Variants in ELAVL2 observed in about 807,000 individuals in gnomAD.
ELAVL2 encodes ELAV like RNA binding protein 2.
ELAVL2 carries 4 observed loss-of-function variants against 34.6 expected under a neutral mutation model. The ratio of observed to expected loss-of-function variants is 0.12; its 90% CI spans 0.06 to 0.26. The LOEUF is 0.26. Ranked by LOEUF, ELAVL2 falls within the 10% of genes least tolerant of loss-of-function variation. The pLI, the probability that ELAVL2 is intolerant of heterozygous loss-of-function variation, is 1.00. For missense variants in ELAVL2, 432 were observed against 442.8 expected, an observed-to-expected ratio of 0.98 and a Z score of 0.22; for synonymous variants, 193 against 154.8, an observed-to-expected ratio of 1.25 and a Z score of -1.83.
intron 3 of ELAVL2, among the ~76,000 whole-genome samples, chr9:23,713,349 G>C (rs896871776): frequency 6.6e-6 from 1 of 152,182 alleles, no homozygotes; most frequent in Non-Finnish European, 1.5e-5. Context: ...TGGCATCTGA[G>C]GTGGAGGCAG....
chr9:23,749,615 C>T (rs1315493484), intron 2 of ELAVL2, among the ~76,000 whole-genome samples: 1 of 152,076 alleles, frequency 6.6e-6, no homozygotes, highest in East Asian at 1.9e-4. Flanking sequence ...TCCTGGGTTT[C>T]AGTCTTTGTT....
At chr9:23,698,118 C>G (rs2035898252) in intron 5 of ELAVL2, among the ~76,000 whole-genome samples, 1 of 152,080 alleles carries the variant, frequency 6.6e-6, no homozygotes, top group South Asian at 2.1e-4. Flanking sequence ...TGCATAAAGG[C>G]TCATAGAAGC....
At chr9:23,817,439 T>C (rs998943695) in intron 1 of ELAVL2, among the ~76,000 whole-genome samples, 2 of 152,114 alleles carry the variant, frequency 1.3e-5, no homozygotes, top group Non-Finnish European at 1.5e-5. Flanking sequence ...TTCAAAAAGG[T>C]ACCATGTCAT....
At chr9:23,780,747 C>A (rs1353709840) in intron 1 of ELAVL2, among the ~76,000 whole-genome samples, 1 of 152,124 alleles carries the variant, frequency 6.6e-6, no homozygotes, top group Non-Finnish European at 1.5e-5. Context: ...TCCATTTATA[C>A]CAAAATGAAG....
intron 3 of ELAVL2, among the ~76,000 whole-genome samples, chr9:23,718,813 T>C (rs944020825): frequency 6.6e-6 from 1 of 152,200 alleles, no homozygotes; most frequent in Non-Finnish European, 1.5e-5. Flanking sequence ...AGAATAACCA[T>C]AGGGAAAGCT....
intron 1 of ELAVL2, among the ~76,000 whole-genome samples, chr9:23,799,779 T>C (rs956512577): frequency 3.9e-5 from 6 of 152,136 alleles, no homozygotes; most frequent in Non-Finnish European, 7.4e-5. Context: ...GAGACCACAG[T>C]TGGGCAAGAA....
At chr9:23,732,818 A>T (rs1372126887) in intron 2 of ELAVL2, among the ~76,000 whole-genome samples, 1 of 152,172 alleles carries the variant, frequency 6.6e-6, no homozygotes, top group Non-Finnish European at 1.5e-5. Flanking sequence ...AAACGAGGGT[A>T]ATTCCTACCC....
intron 1 of ELAVL2, among the ~76,000 whole-genome samples, chr9:23,781,352 AAC>A (rs774057926): frequency 1.3e-5 from 2 of 152,130 alleles, no homozygotes; most frequent in Non-Finnish European, 2.9e-5. Context: ...GATACACATA[AAC>A]ACACACACTC....
At chr9:23,791,210 A>G (rs2060281993) in intron 1 of ELAVL2, among the ~76,000 whole-genome samples, 1 of 152,224 alleles carries the variant, frequency 6.6e-6, no homozygotes, top group Non-Finnish European at 1.5e-5. Context: ...AATGGAAAAG[A>G]AATCTCCAGG....
rs61251366 is a variant in ELAVL2 at position 23,779,979 on chromosome 9, TAAAAAAAAAAAAAAAAAAAAAAAAAAAA to T, written c.-15-17758_-15-17731del. Among the ~76,000 whole-genome samples the T allele has an allele frequency of 1.7e-3, 83 of 48,274 alleles. 2 individuals are homozygous for T. Among genetic ancestry groups the T allele is most frequent in the South Asian group, 4.2e-3 (5 of 1,178 alleles). 31.7% of individuals were successfully genotyped at this position (48,274 alleles called of 152,430 possible). ...CCCCAGAATCGGTGATAGTGTTCCT[TAAAAAAAAAAAAAAAAAAAAAAAAAAAA>T]AAAAAAAAAAAAAAAAAAAAAAAAA... On this transcript the variant is annotated intron_variant, in intron 1 of 6. Coordinates refer to ENST00000397312, the MANE Select transcript of ELAVL2 (RefSeq NM_004432.5).
At chr9:23,791,354 C>G (rs2060296739) in intron 1 of ELAVL2, among the ~76,000 whole-genome samples, 1 of 152,160 alleles carries the variant, frequency 6.6e-6, no homozygotes, top group South Asian at 2.1e-4. Flanking sequence ...AGAATCATTT[C>G]TGTTCATGCC....
At chr9:23,766,081 C>T (rs2056193249) in intron 1 of ELAVL2, among the ~76,000 whole-genome samples, 1 of 152,094 alleles carries the variant, frequency 6.6e-6, no homozygotes, top group Non-Finnish European at 1.5e-5. Flanking sequence ...CCAAAAATGT[C>T]TTTTACTTAT....
At chr9:23,705,323 A>G (rs2038952595) in intron 3 of ELAVL2, among the ~76,000 whole-genome samples, 1 of 152,146 alleles carries the variant, frequency 6.6e-6, no homozygotes, top group South Asian at 2.1e-4. Flanking sequence ...ACTGCAAGGG[A>G]CAGAAATTTC....
At chr9:23,790,274 A>T (rs1269004313) in intron 1 of ELAVL2, among the ~76,000 whole-genome samples, 1 of 152,158 alleles carries the variant, frequency 6.6e-6, no homozygotes, top group Non-Finnish European at 1.5e-5. Context: ...GAGGGAATAC[A>T]AAAATATATG....
chr9:23,770,319 C>A (rs1056128763), intron 1 of ELAVL2, among the ~76,000 whole-genome samples: 2 of 152,066 alleles, frequency 1.3e-5, no homozygotes, highest in African/African-American at 4.8e-5. Flanking sequence ...GAGCTTTGAA[C>A]CAAGGTTTGA....
chr9:23,780,502 G>A (rs2058917081), intron 1 of ELAVL2, among the ~76,000 whole-genome samples: 1 of 151,978 alleles, frequency 6.6e-6, no homozygotes, highest in Non-Finnish European at 1.5e-5. Context: ...TATTTTCTTA[G>A]AAAATTTGTG....
At chr9:23,779,019 G>C (rs2058667980) in intron 1 of ELAVL2, among the ~76,000 whole-genome samples, 2 of 152,024 alleles carry the variant, frequency 1.3e-5, no homozygotes, top group African/African-American at 4.8e-5. Context: ...GAAGAGGAGG[G>C]GCCAATGAAG....
intron 1 of ELAVL2, among the ~76,000 whole-genome samples, chr9:23,785,216 C>T (rs1471565573): frequency 6.6e-6 from 1 of 152,074 alleles, no homozygotes; most frequent in Admixed American, 6.5e-5. Context: ...GTAGAGGGAG[C>T]CACTCCCAGA....
chr9:23,805,415 G>A (rs571356592), intron 1 of ELAVL2, among the ~76,000 whole-genome samples: 1 of 152,274 alleles, frequency 6.6e-6, no homozygotes, highest in Admixed American at 6.5e-5. Flanking sequence ...TCACAACCCT[G>A]CTGCTGATAA....
Sources: gnomAD v4.1 joint callset for allele counts (sites outside exome capture counted in the v4.1 genomes callset) on GRCh38, gnomAD v4.1.1 for gene constraint, MANE v1.5 for transcripts, NCBI Gene and HGNC (gene_info 2026-07-23, HGNC 2026-07-21) for gene names.